LINGO1: variants seen among roughly 807,000 people sequenced by gnomAD.
The protein encoded by LINGO1 is leucine rich repeat and Ig domain containing 1, also known as leucine-rich repeat and immunoglobulin-like domain-containing nogo receptor-interacting protein 1.
Under a neutral mutation model 37.3 loss-of-function variants are expected in LINGO1, and 11 were observed. That is an observed-to-expected ratio of 0.29 (90% CI 0.19 to 0.49). The LOEUF (loss-of-function observed/expected upper bound fraction) is 0.49. LINGO1 is among the 20% of genes least tolerant of loss of function. The pLI is 0.99. For synonymous variants in LINGO1, 387 were observed against 403.0 expected (o/e 0.96, Z 0.48); for missense variants, 585 against 878.2 (o/e 0.67, Z 4.22).
intron 3 of LINGO1, among the ~76,000 whole-genome samples, chr15:77,666,225 G>A (rs4886891): frequency 0.53 from 80,135 of 152,114 alleles, 22,163 homozygotes; most frequent in East Asian, 0.76. Context: ...TTGAGTGGGT[G>A]TTCCTTGGTG....
chr15:77,649,673 C>A (rs965835288), intron 3 of LINGO1, among the ~76,000 whole-genome samples: 1 of 152,058 alleles, frequency 6.6e-6, no homozygotes, highest in Non-Finnish European at 1.5e-5. Context: ...AGGTTTCTAG[C>A]TGGAGGATAG....
intron 1 of LINGO1, among the ~76,000 whole-genome samples, chr15:77,807,556 G>C (rs1160680910): frequency 1.3e-5 from 2 of 152,114 alleles, no homozygotes; most frequent in African/African-American, 2.4e-5. Flanking sequence ...AGGCAAAAAT[G>C]CCCTTTTCAT....
chr15:77,732,974 T>A (rs1567552833), intron 2 of LINGO1, among the ~76,000 whole-genome samples: 1 of 152,216 alleles, frequency 6.6e-6, no homozygotes, highest in Non-Finnish European at 1.5e-5. Context: ...CCTCCTGGAT[T>A]GGAGCCTGTC....
At chr15:77,756,884 A>G (rs1020801606) in intron 1 of LINGO1, among the ~76,000 whole-genome samples, 3 of 152,138 alleles carry the variant, frequency 2.0e-5, no homozygotes, top group African/African-American at 4.8e-5. Flanking sequence ...ACCACCTCGC[A>G]CACAGACTCA....
intron 2 of LINGO1, among the ~76,000 whole-genome samples, chr15:77,705,786 G>A (rs1474245090): frequency 6.6e-6 from 1 of 152,206 alleles, no homozygotes; most frequent in Non-Finnish European, 1.5e-5. Flanking sequence ...AGGCCTTCTG[G>A]GCTGTGTGTC....
intron 2 of LINGO1, among the ~76,000 whole-genome samples, chr15:77,705,206 C>CACACACACACACACACACACACACACACA (rs57434698): frequency 1.0e-4 from 15 of 149,080 alleles, no homozygotes; most frequent in South Asian, 2.1e-4. Context: ...CACACACACA[C>CACACACACACACACACACACACACACACA]CAGTCCACTT....
At chr15:77,624,114 C>T (rs927793006) in intron 1 of LINGO1, among the ~76,000 whole-genome samples, 9 of 119,720 alleles carry the variant, frequency 7.5e-5, no homozygotes, top group Admixed American at 4.7e-4. Context: ...GTGTGGAGTG[C>T]GAGTAGTCTG....
intron 1 of LINGO1, among the ~76,000 whole-genome samples, chr15:77,750,515 C>T (rs1163295494): frequency 6.6e-6 from 1 of 152,204 alleles, no homozygotes; most frequent in Non-Finnish European, 1.5e-5. Context: ...CCTGCTGTTG[C>T]CTCTTCCTGG....
chr15:77,710,595 A>G (rs188574695), intron 2 of LINGO1, among the ~76,000 whole-genome samples: 36 of 152,268 alleles, frequency 2.4e-4, no homozygotes, highest in Non-Finnish European at 1.3e-4. Context: ...CATGCCTTGG[A>G]TTTCTGCTGG....
At chr15:77,687,122 G>T (rs1354580211) in intron 2 of LINGO1, among the ~76,000 whole-genome samples, 6 of 152,156 alleles carry the variant, frequency 3.9e-5, no homozygotes, top group Non-Finnish European at 7.3e-5. Flanking sequence ...GGTTAAGTCT[G>T]TTCAGGATCA....
upstream of LINGO1, among the ~76,000 whole-genome samples, chr15:77,635,953 C>CG (rs1401294676): frequency 2.6e-5 from 4 of 152,242 alleles, no homozygotes; most frequent in Non-Finnish European, 5.9e-5. Flanking sequence ...TGGGTTTGCC[C>CG]GGGAACACAG....
At chr15:77,681,936 T>G (rs1206312323) in intron 2 of LINGO1, among the ~76,000 whole-genome samples, 1 of 152,018 alleles carries the variant, frequency 6.6e-6, no homozygotes, top group African/African-American at 2.4e-5. Flanking sequence ...ACACACGCCC[T>G]CGAGGAGGGT....
chr15:77,748,553 G>A (rs1331275302), intron 1 of LINGO1, among the ~76,000 whole-genome samples: 1 of 152,220 alleles, frequency 6.6e-6, no homozygotes, highest in Non-Finnish European at 1.5e-5. Context: ...GGTGGCCCCA[G>A]CATAGTGGGC....
intron 3 of LINGO1, among the ~76,000 whole-genome samples, chr15:77,661,630 C>G (rs151154122): frequency 2.0e-5 from 3 of 152,220 alleles, no homozygotes; most frequent in Non-Finnish European, 4.4e-5. Flanking sequence ...TTCTCTGGCC[C>G]GAGGGCTCAA....
chr15:77,725,502 G>T (rs1446947551), intron 2 of LINGO1, among the ~76,000 whole-genome samples: 1 of 152,188 alleles, frequency 6.6e-6, no homozygotes, highest in Non-Finnish European at 1.5e-5. Context: ...GGTCGAGGCT[G>T]CAGTGAGCTA....
At chr15:77,684,990 AC>A (rs1376855771) in intron 2 of LINGO1, among the ~76,000 whole-genome samples, 1 of 148,170 alleles carries the variant, frequency 6.7e-6, no homozygotes, top group Non-Finnish European at 1.5e-5. Context: ...AGGCAGTGGC[AC>A]CTGGGCCCAG....
intron 2 of LINGO1, among the ~76,000 whole-genome samples, chr15:77,711,825 C>T (rs984987463): frequency 1.3e-5 from 2 of 152,148 alleles, no homozygotes; most frequent in Non-Finnish European, 2.9e-5. Flanking sequence ...AACGCTTCAG[C>T]GGAGCTTGTT....
At chr15:77,818,435 C>T (rs2077065949) in intron 1 of LINGO1, among the ~76,000 whole-genome samples, 1 of 152,186 alleles carries the variant, frequency 6.6e-6, no homozygotes, top group Non-Finnish European at 1.5e-5. Context: ...CAAAGCACAG[C>T]CACAACCTCA....
rs553795742 is a variant in LINGO1 at position 77,725,869 on chromosome 15, C to G, written c.-195+9123G>C. ...GGTCTGAGATGGCTCCAGCATAGCA[C>G]GCCCAGGGAGCGTACATAGAGCGGC... On this transcript the variant is annotated intron_variant, in intron 2 of 3. Coordinates refer to the LINGO1 transcript ENST00000561686. Among the ~76,000 whole-genome samples, 9 of 152,338 alleles carry G rather than the reference C, an allele frequency of 5.9e-5. 1 individual carries two copies. Among genetic ancestry groups the G allele is most frequent in the Admixed American group, 5.9e-4 (9 of 15,298 alleles).
Sources: allele counts gnomAD v4.1 joint callset (sites outside exome capture counted in the v4.1 genomes callset), GRCh38; gene constraint gnomAD v4.1.1; transcripts MANE v1.5; gene names NCBI Gene and HGNC (gene_info 2026-07-23, HGNC 2026-07-21).